SCFD2: variants seen among roughly 807,000 people sequenced by gnomAD.
The protein encoded by SCFD2 is sec1 family domain-containing protein 2.
Under a neutral mutation model 58.9 loss-of-function variants are expected in SCFD2, and 54 were observed. The observed-to-expected ratio is 0.92, with a 90% CI of 0.74 to 1.15. The LOEUF is 1.15. Among genes scored for constraint, SCFD2 ranks in the 50% most tolerant of loss-of-function variants. The pLI is 0.00. For synonymous variants in SCFD2, 321 were observed against 335.9 expected (o/e 0.96, Z 0.49); for missense variants, 805 against 836.6 (o/e 0.96, Z 0.47).
At chr4:52,990,523 G>A (rs1426334794) in intron 5 of SCFD2, among the ~76,000 whole-genome samples, 3 of 152,204 alleles carry the variant, frequency 2.0e-5, no homozygotes, top group East Asian at 1.9e-4. Flanking sequence ...CATAGGTGGA[G>A]GCTAGCATTA....
intron 4 of SCFD2, among the ~76,000 whole-genome samples, chr4:53,176,443 A>G (rs1318053198): frequency 3.9e-5 from 6 of 152,200 alleles, no homozygotes; most frequent in Admixed American, 3.9e-4. Flanking sequence ...TGAAACTGTT[A>G]CCTTGGCCAG....
intron 5 of SCFD2, among the ~76,000 whole-genome samples, chr4:52,970,734 G>A (rs1156985273): frequency 1.3e-5 from 2 of 152,332 alleles, no homozygotes; most frequent in Admixed American, 1.3e-4. Flanking sequence ...GTGGGTCCCT[G>A]ACCCCCGAGT....
chr4:53,075,540 CT>C (rs1418801371), intron 5 of SCFD2, among the ~76,000 whole-genome samples: 1 of 152,170 alleles, frequency 6.6e-6, no homozygotes, highest in Non-Finnish European at 1.5e-5. Context: ...TCATTTCTAT[CT>C]TTTGATTTAA....
chr4:53,122,300 T>C (rs1433465937), intron 5 of SCFD2, among the ~76,000 whole-genome samples: 6 of 151,782 alleles, frequency 4.0e-5, no homozygotes, highest in Admixed American at 3.9e-4. Context: ...TTGCTTGAAC[T>C]CAGGAGGTGA....
intron 2 of SCFD2, among the ~76,000 whole-genome samples, chr4:53,319,084 G>A (rs542093558): frequency 1.6e-4 from 24 of 152,134 alleles, no homozygotes; most frequent in Admixed American, 3.9e-4. Context: ...TATGCAGAAC[G>A]TCAATTGTTT....
At chr4:53,223,800 A>G (rs1729118721) in intron 4 of SCFD2, among the ~76,000 whole-genome samples, 5 of 152,250 alleles carry the variant, frequency 3.3e-5, no homozygotes, top group African/African-American at 1.2e-4. Flanking sequence ...TATTTATGCC[A>G]GACACAATGT....
intron 7 of SCFD2, 152 bp from the exon 8 acceptor site, chr4:52,886,018 T>G (rs916799329): frequency 1.5e-5 from 14 of 908,774 alleles, no homozygotes; most frequent in African/African-American, 3.4e-5. Context: ...CAGGGGTGGG[T>G]CCCTGGTGAA....
At chr4:53,037,421 C>T (rs1488073703) in intron 5 of SCFD2, among the ~76,000 whole-genome samples, 1 of 151,976 alleles carries the variant, frequency 6.6e-6, no homozygotes, top group African/African-American at 2.4e-5. Context: ...AGTTTTTAAA[C>T]AGATTTTTTT....
intron 5 of SCFD2, among the ~76,000 whole-genome samples, chr4:53,135,909 G>A (rs1330354718): frequency 6.6e-6 from 1 of 152,040 alleles, no homozygotes. Flanking sequence ...GTAAATACCT[G>A]AGTTTGAGAT....
intron 4 of SCFD2, among the ~76,000 whole-genome samples, chr4:53,212,994 T>G (rs540790401): frequency 6.6e-6 from 1 of 152,204 alleles, no homozygotes; most frequent in East Asian, 1.9e-4. Flanking sequence ...TCAGCCTGTA[T>G]GTACGAATAA....
intron 5 of SCFD2, among the ~76,000 whole-genome samples, chr4:53,113,337 T>C (rs1317482980): frequency 6.6e-6 from 1 of 152,108 alleles, no homozygotes; most frequent in Non-Finnish European, 1.5e-5. Context: ...GTGTTACTTC[T>C]TTTCCTGTCC....
intron 5 of SCFD2, among the ~76,000 whole-genome samples, chr4:52,978,669 C>T (rs949125236): frequency 1.3e-5 from 2 of 150,168 alleles, no homozygotes; most frequent in East Asian, 3.9e-4. Flanking sequence ...GCATGTTTTG[C>T]TTTAAAAAAT....
chr4:53,203,629 G>T (rs144122592), intron 4 of SCFD2, among the ~76,000 whole-genome samples: 2 of 152,116 alleles, frequency 1.3e-5, no homozygotes, highest in East Asian at 3.9e-4. Context: ...GAAAGCCAAT[G>T]AATAAGGTTA....
At chr4:53,188,293 T>C (rs1480715860) in intron 4 of SCFD2, among the ~76,000 whole-genome samples, 3 of 152,198 alleles carry the variant, frequency 2.0e-5, no homozygotes, top group African/African-American at 7.2e-5. Context: ...CTGTAACTCA[T>C]TGCTTTCTGC....
intron 4 of SCFD2, among the ~76,000 whole-genome samples, chr4:53,186,106 C>T (rs116125635): frequency 2.0e-5 from 3 of 152,094 alleles, no homozygotes; most frequent in Non-Finnish European, 2.9e-5. Flanking sequence ...GTGTCTCACA[C>T]GCTTCACATG....
intron 5 of SCFD2, among the ~76,000 whole-genome samples, chr4:53,097,280 C>T (rs1033475328): frequency 5.9e-5 from 9 of 152,124 alleles, no homozygotes; most frequent in Non-Finnish European, 1.3e-4. Flanking sequence ...ATGGGGATGG[C>T]ATTGAATCTA....
At chr4:53,035,173 A>G (rs1486232130) in intron 5 of SCFD2, among the ~76,000 whole-genome samples, 1 of 152,160 alleles carries the variant, frequency 6.6e-6, no homozygotes, top group African/African-American at 2.4e-5. Context: ...AACACCACAC[A>G]TCTACAACCA....
intron 5 of SCFD2, among the ~76,000 whole-genome samples, chr4:52,926,556 G>T (rs1719868363): frequency 6.6e-6 from 1 of 152,100 alleles, no homozygotes; most frequent in Non-Finnish European, 1.5e-5. Context: ...AGTTCTAAAG[G>T]CCACTCAGGC....
chr4:53,141,229 C>A (rs894804617), intron 5 of SCFD2, among the ~76,000 whole-genome samples: 1 of 152,098 alleles, frequency 6.6e-6, no homozygotes, highest in Non-Finnish European at 1.5e-5. Flanking sequence ...CATAAACACT[C>A]AGGTATACTA....
Sources: gnomAD v4.1 joint callset for allele counts (sites outside exome capture counted in the v4.1 genomes callset) on GRCh38, gnomAD v4.1.1 for gene constraint, MANE v1.5 for transcripts, NCBI Gene and HGNC (gene_info 2026-07-23, HGNC 2026-07-21) for gene names.